Variants in PCDH11X observed in about 807,000 individuals in gnomAD.
PCDH11X encodes protocadherin-11 X-linked.
In PCDH11X, 18 loss-of-function variants were observed where a neutral mutation model predicts 53.3. That is an observed-to-expected ratio of 0.34 (90% CI 0.23 to 0.50). The LOEUF is 0.50. Among genes scored for constraint, PCDH11X ranks in the 20% least tolerant of loss-of-function variants. The probability of loss-of-function intolerance (pLI) is 0.98; values close to 1 mark genes in which losing one functional copy is unlikely to be tolerated. For synonymous variants in PCDH11X, 279 were observed against 393.3 expected (o/e 0.71, Z 3.44); for missense variants, 570 against 1,032.4 (o/e 0.55, Z 6.14).
chrX:92,379,044 G>A (rs1360107885), intron 8 of PCDH11X, among the ~76,000 whole-genome samples: 1 of 112,994 alleles, frequency 8.9e-6, no homozygotes, highest in African/African-American at 3.2e-5. Flanking sequence ...CAGCTGCAGT[G>A]GGGGAGGCGT....
chrX:92,283,276 C>T (rs1183036271), intron 8 of PCDH11X, among the ~76,000 whole-genome samples: 1 of 110,898 alleles, frequency 9.0e-6, no homozygotes, highest in Non-Finnish European at 1.9e-5. Context: ...ATTTGCTTGC[C>T]CCTTTCTTTC....
Position 91,814,754 on chromosome X carries a change from G to A in PCDH11X, c.-45+3459G>A, listed in dbSNP as rs749948554. On this transcript the variant is annotated intron_variant, in intron 4 of 10. Coordinates refer to ENST00000682573, the MANE Select transcript of PCDH11X (RefSeq NM_032968.5). ...AAAGATCTTAGAGATAAATCCCAACGCTACTCACCCTCAGTGAGTAAAATG... is the reference window on the plus strand; with the variant it reads ...AAAGATCTTAGAGATAAATCCCAACACTACTCACCCTCAGTGAGTAAAATG... 2.3e-3 allele frequency among the ~76,000 whole-genome samples: 205 copies of A among 89,716 alleles called. 1 individual carries two copies. Among genetic ancestry groups the A allele is most frequent in the African/African-American group, 8.1e-3 (194 of 24,073 alleles). 77.9% of individuals were successfully genotyped at this position (89,716 alleles called of 115,157 possible).
chrX:91,813,317 CA>C (rs773276720), intron 4 of PCDH11X, among the ~76,000 whole-genome samples: 60 of 108,922 alleles, frequency 5.5e-4, no homozygotes, highest in African/African-American at 1.8e-3. Context: ...ATTTTAACCA[CA>C]AATCCCGTAA....
In PCDH11X at chrX:92,232,739, C is replaced by T. The variant is rs150017531; in HGVS notation, c.3115-30375C>T. Among the ~76,000 whole-genome samples, 816 of 112,186 alleles carry T rather than the reference C, an allele frequency of 7.3e-3. 7 individuals are homozygous for T. The highest frequency in any genetic ancestry group is 0.025 in the African/African-American group (777 of 30,936). Reference sequence around the variant, plus strand: ...TTTTTTTAAATTATTATTATTGAGACGGAGTCTCGTTTTGTCGCCCAGGCT... The same window carrying T: ...TTTTTTTAAATTATTATTATTGAGATGGAGTCTCGTTTTGTCGCCCAGGCT... On this transcript the variant is annotated intron_variant, in intron 7 of 10. Transcript: ENST00000682573.
chrX:92,218,216 T>C (rs1290748330), intron 7 of PCDH11X, among the ~76,000 whole-genome samples: 4 of 109,533 alleles, frequency 3.7e-5, no homozygotes, highest in Non-Finnish European at 7.6e-5. Flanking sequence ...CTGAAGGAAA[T>C]AGAGACACAT....
intron 7 of PCDH11X, among the ~76,000 whole-genome samples, chrX:92,214,321 G>C (rs1433108745): frequency 1.8e-5 from 2 of 111,585 alleles, no homozygotes; most frequent in Non-Finnish European, 3.8e-5. Context: ...GATCTGGAGG[G>C]AAACATTCTG....
At chrX:92,246,334 G>T (rs940434285) in intron 7 of PCDH11X, among the ~76,000 whole-genome samples, 2 of 111,030 alleles carry the variant, frequency 1.8e-5, no homozygotes, top group Non-Finnish European at 3.8e-5. Context: ...GTGGTGAAAA[G>T]ATTTTTTTTT....
chrX:92,197,117 G>A (rs2066305061), intron 6 of PCDH11X, among the ~76,000 whole-genome samples: 1 of 111,468 alleles, frequency 9.0e-6, no homozygotes, highest in South Asian at 3.8e-4. Context: ...AGAGCCAGAC[G>A]TAGATTCCAA....
chrX:92,236,299 A>G (rs2067170796), intron 7 of PCDH11X, among the ~76,000 whole-genome samples: 1 of 111,247 alleles, frequency 9.0e-6, no homozygotes, highest in Non-Finnish European at 1.9e-5. Context: ...GAGATAGGGA[A>G]GCAGATTTTT....
At chrX:92,174,428 T>G (rs2065873350) in intron 6 of PCDH11X, among the ~76,000 whole-genome samples, 1 of 111,314 alleles carries the variant, frequency 9.0e-6, no homozygotes, top group African/African-American at 3.3e-5. Flanking sequence ...GATCATAATG[T>G]TAACGGGAAA....
At chrX:92,330,830 A>T (rs1170607867) in intron 8 of PCDH11X, among the ~76,000 whole-genome samples, 1 of 103,593 alleles carries the variant, frequency 9.7e-6, no homozygotes, top group Non-Finnish European at 2.0e-5. Context: ...TGCATACTGT[A>T]TGAATCAACT....
chrX:92,025,742 G>A (rs763389164), intron 6 of PCDH11X, among the ~76,000 whole-genome samples: 2,176 of 106,413 alleles, frequency 0.02, 53 homozygotes, highest in African/African-American at 0.07. Context: ...CTACTATAAA[G>A]ACACAAGCAC....
chrX:92,599,329 C>T (rs1602418254), intron 10 of PCDH11X, among the ~76,000 whole-genome samples: 1 of 111,585 alleles, frequency 9.0e-6, no homozygotes, highest in Admixed American at 9.5e-5. Context: ...TGTGTCCACA[C>T]CCAAGTCTCA....
intron 6 of PCDH11X, among the ~76,000 whole-genome samples, chrX:91,953,345 A>C (rs1397873767): frequency 9.0e-6 from 1 of 110,571 alleles, no homozygotes; most frequent in Non-Finnish European, 1.9e-5. Flanking sequence ...ATTTTTTTAA[A>C]TGTAAAAATT....
chrX:91,836,189 T>A, intron 5 of PCDH11X, 145 bp downstream of exon 5: 4 of 844,218 alleles, frequency 4.7e-6, no homozygotes, highest in Non-Finnish European at 6.5e-6. Context: ...TGGAGAAAAT[T>A]CATCAATGCA....
intron 6 of PCDH11X, among the ~76,000 whole-genome samples, chrX:92,183,248 C>CTTTTTTTT (rs60978254): frequency 3.8e-5 from 2 of 52,295 alleles, no homozygotes; most frequent in Non-Finnish European, 7.0e-5. Context: ...CTAGAGAAAC[C>CTTTTTTTT]TTTTTTTTTT....
chrX:92,248,434 A>AT lies in PCDH11X; in HGVS notation c.3115-14673dup, dbSNP rs1324049694. Among the ~76,000 whole-genome samples, 3 of 110,892 alleles carry AT rather than the reference A, an allele frequency of 2.7e-5. No individual in the cohort carries two copies. In the South Asian group the frequency reaches 1.1e-3, roughly 42 times the overall value. On this transcript the variant is annotated intron_variant, in intron 7 of 10. Transcript: ENST00000682573. ...ACTAATGAAATAGTAATGTTATTTT[A>AT]TTTTTTTCTTTAATATGGACAAATA...
At chrX:91,892,836 A>C (rs1485994424) in intron 6 of PCDH11X, among the ~76,000 whole-genome samples, 1 of 109,318 alleles carries the variant, frequency 9.1e-6, no homozygotes, top group Non-Finnish European at 1.9e-5. Context: ...TTTTTAGTAG[A>C]GACTGGGGTT....
At chrX:92,497,281 A>T (rs774782399) in intron 10 of PCDH11X, among the ~76,000 whole-genome samples, 1 of 110,915 alleles carries the variant, frequency 9.0e-6, no homozygotes, top group Admixed American at 9.7e-5. Flanking sequence ...TGGGCTAAGT[A>T]GTTCTTAAGA....
Sources: allele counts gnomAD v4.1 joint callset (sites outside exome capture counted in the v4.1 genomes callset), GRCh38; gene constraint gnomAD v4.1.1; transcripts MANE v1.5; gene names NCBI Gene and HGNC (gene_info 2026-07-23, HGNC 2026-07-21).